IL1RAPL2: variants seen among roughly 807,000 people sequenced by gnomAD.
The protein encoded by IL1RAPL2 is X-linked interleukin-1 receptor accessory protein-like 2.
Under a neutral mutation model 44.1 loss-of-function variants are expected in IL1RAPL2, and 3 were observed. The observed-to-expected ratio is 0.07, with a 90% CI of 0.03 to 0.18. The LOEUF is 0.18. IL1RAPL2 is among the 10% of genes least tolerant of loss of function. The pLI is 1.00. For missense variants in IL1RAPL2, 391 were observed against 496.4 expected, an observed-to-expected ratio of 0.79 and a Z score of 2.02; for synonymous variants, 181 against 178.8, an observed-to-expected ratio of 1.01 and a Z score of -0.10.
At chrX:105,517,660 AAAAAACAAAAAC>A (rs1255387442) in intron 6 of IL1RAPL2, among the ~76,000 whole-genome samples, 1 of 111,320 alleles carries the variant, frequency 9.0e-6, no homozygotes. Context: ...TGTCATTCAA[AAAAAACAAAAAC>A]AAAAACAAAC....
At chrX:104,670,587 T>TC (rs1447623580) in intron 2 of IL1RAPL2, among the ~76,000 whole-genome samples, 2 of 110,494 alleles carry the variant, frequency 1.8e-5, no homozygotes, top group East Asian at 2.9e-4. Flanking sequence ...CCAGTCATGT[T>TC]TTTTTTAAAC....
chrX:105,060,328 A>G (rs1364404881), intron 2 of IL1RAPL2, among the ~76,000 whole-genome samples: 1 of 111,743 alleles, frequency 8.9e-6, no homozygotes, highest in Non-Finnish European at 1.9e-5. Flanking sequence ...GTTGAATTTT[A>G]TCAAATGCTT....
At chrX:105,758,394 C>T (rs980507665) in intron 10 of IL1RAPL2, among the ~76,000 whole-genome samples, 11 of 105,432 alleles carry the variant, frequency 1.0e-4, no homozygotes, top group African/African-American at 2.6e-4. Context: ...TACACAGTTT[C>T]GAAAGTACAT....
At chrX:105,565,549 C>T (rs189413853) in intron 6 of IL1RAPL2, among the ~76,000 whole-genome samples, 7 of 111,864 alleles carry the variant, frequency 6.3e-5, no homozygotes, top group African/African-American at 2.3e-4. Context: ...CCACTGTCTT[C>T]TAGGAATTCT....
In IL1RAPL2 at chrX:105,269,634, T is replaced by G. The variant is rs915633977; in HGVS notation, c.697+2093T>G. ...CTGATTTCTTCAACATGAACTAGAC[T>G]TCCCTGCCTCATTTATGGCAGAAAA... On this transcript the variant is annotated intron_variant, in intron 5 of 10. Transcript: ENST00000372582. Among the ~76,000 whole-genome samples the G allele has an allele frequency of 6.3e-5, 7 of 111,660 alleles. No homozygotes were observed. The South Asian group carries it at 1.1e-3, about 18-fold the overall frequency.
At chrX:105,382,361 G>A (rs370048417) in intron 5 of IL1RAPL2, among the ~76,000 whole-genome samples, 19,741 of 106,585 alleles carry the variant, frequency 0.19, 5,583 homozygotes, top group African/African-American at 0.7. Flanking sequence ...CAAAAGACAC[G>A]TGAAAAAATG....
intron 8 of IL1RAPL2, among the ~76,000 whole-genome samples, chrX:105,743,926 C>T (rs765597435): frequency 9.0e-6 from 1 of 111,619 alleles, no homozygotes; most frequent in Non-Finnish European, 1.9e-5. Context: ...TTCCAGGGTT[C>T]GCAAACTCAA....
At chrX:104,612,297 T>C (rs1377192323) in intron 1 of IL1RAPL2, among the ~76,000 whole-genome samples, 1 of 112,009 alleles carries the variant, frequency 8.9e-6, no homozygotes, top group Non-Finnish European at 1.9e-5. Flanking sequence ...TAGGTTTTCT[T>C]TCAGGATTCC....
intron 5 of IL1RAPL2, among the ~76,000 whole-genome samples, chrX:105,447,253 TATAAATATATATAAATATATATA>T (rs2035969730): frequency 1.1e-4 from 2 of 18,566 alleles, no homozygotes; most frequent in Non-Finnish European, 1.4e-4. Flanking sequence ...TATAAATATA[TATAAATATATATAAATATATATA>T]AAATATATAT....
chrX:105,234,088 T>C, intron 4 of IL1RAPL2, 84 bp downstream of exon 4: 1 of 737,620 alleles, frequency 1.4e-6, no homozygotes, highest in East Asian at 3.3e-5. Context: ...TTTTTACTAG[T>C]TTTTGGTATT....
chrX:105,446,182 C>A (rs1168735725), intron 5 of IL1RAPL2, among the ~76,000 whole-genome samples: 1 of 111,419 alleles, frequency 9.0e-6, no homozygotes, highest in East Asian at 2.8e-4. Flanking sequence ...GTGTTAAAAT[C>A]TATTTTGTCT....
In IL1RAPL2 at chrX:105,434,860, C is replaced by G. The variant is rs765655080; in HGVS notation, c.698-49453C>G. Among the ~76,000 whole-genome samples, 603 of 111,888 alleles carry G rather than the reference C, an allele frequency of 5.4e-3. 2 individuals are homozygous for G. Among genetic ancestry groups the G allele is most frequent in the Non-Finnish European group, 8.4e-3 (444 of 53,156 alleles). ...ATGGTTTTGGGTTTCACATTTAAGC[C>G]TTTAATCCATCTTGAGTTAATTTTT... On this transcript the variant is annotated intron_variant, in intron 5 of 10. Coordinates refer to ENST00000372582, the MANE Select transcript of IL1RAPL2 (RefSeq NM_017416.2).
chrX:105,678,463 T>C (rs2037893111), intron 6 of IL1RAPL2, among the ~76,000 whole-genome samples: 1 of 111,736 alleles, frequency 8.9e-6, no homozygotes. Context: ...TAACTACTTT[T>C]TGTATCCATT....
chrX:104,602,123 C>T (rs1438763630), intron 1 of IL1RAPL2, among the ~76,000 whole-genome samples: 1 of 111,617 alleles, frequency 9.0e-6, no homozygotes, highest in East Asian at 2.9e-4. Flanking sequence ...GCATTTCCAA[C>T]TGAGGTACCC....
chrX:105,502,327 T>C (rs1037436427), intron 6 of IL1RAPL2, among the ~76,000 whole-genome samples: 7 of 111,580 alleles, frequency 6.3e-5, no homozygotes, highest in African/African-American at 2.3e-4. Flanking sequence ...TTCTTGAAAA[T>C]TTCTTATAGG....
chrX:104,920,500 G>A (rs1041849269), intron 2 of IL1RAPL2, among the ~76,000 whole-genome samples: 8 of 88,692 alleles, frequency 9.0e-5, no homozygotes, highest in African/African-American at 1.3e-4. Context: ...GTGAGATATG[G>A]TTATTTAAAA....
chrX:104,776,322 A>G (rs1215322864), intron 2 of IL1RAPL2, among the ~76,000 whole-genome samples: 2 of 111,790 alleles, frequency 1.8e-5, no homozygotes, highest in African/African-American at 6.5e-5. Context: ...GAAGACATCC[A>G]ATTGTACTTG....
chrX:104,843,385 G>A (rs908752710), intron 2 of IL1RAPL2, among the ~76,000 whole-genome samples: 1 of 111,035 alleles, frequency 9.0e-6, no homozygotes, highest in Admixed American at 9.5e-5. Context: ...TGGCTCCCTG[G>A]CTTCAGCCCC....
At chrX:105,313,851 G>A (rs979334506) in intron 5 of IL1RAPL2, among the ~76,000 whole-genome samples, 1 of 110,975 alleles carries the variant, frequency 9.0e-6, no homozygotes, top group East Asian at 2.8e-4. Context: ...ATGGAGGGGT[G>A]GGGAAACACA....
Sources: gnomAD v4.1 joint callset for allele counts (sites outside exome capture counted in the v4.1 genomes callset) on GRCh38, gnomAD v4.1.1 for gene constraint, MANE v1.5 for transcripts, NCBI Gene and HGNC (gene_info 2026-07-23, HGNC 2026-07-21) for gene names.